The following SLC12A7 variants were observed in gnomAD, a reference collection of about 807,000 sequenced individuals.
SLC12A7 encodes solute carrier family 12 member 7, also known as K-Cl cotransporter 4.
SLC12A7 carries 100 observed loss-of-function variants against 120.6 expected under a neutral mutation model. The observed-to-expected ratio is 0.83, with a 90% CI of 0.71 to 0.98. The LOEUF is 0.98. SLC12A7 is among the 50% of genes least tolerant of loss of function. The pLI is 0.00. For synonymous variants in SLC12A7, 760 were observed against 678.0 expected, an observed-to-expected ratio of 1.12 and a Z score of -1.88; for missense variants, 1,373 against 1,548.1, an observed-to-expected ratio of 0.89 and a Z score of 1.90.
At chr5:1,148,720 G>A in the SLC12A7 span, among the ~76,000 whole-genome samples, 4 of 152,234 alleles carry the variant, frequency 2.6e-5, no homozygotes, top group Admixed American at 2.6e-4. Flanking sequence ...AAGAAAGGCT[G>A]ACGGTTGACA....
the SLC12A7 span, among the ~76,000 whole-genome samples, chr5:1,136,389 T>C: frequency 0.2 from 21,762 of 108,780 alleles, 1,935 homozygotes; most frequent in African/African-American, 0.39. Flanking sequence ...CAGACACACG[T>C]GTGCTCAGAC....
chr5:1,064,791 AGCGAGGAGACG>A (rs2150802148), intron 18 of SLC12A7, among the ~76,000 whole-genome samples: 1 of 126,656 alleles, frequency 7.9e-6, no homozygotes. Flanking sequence ...GTGAGGGGAC[AGCGAGGAGACG>A]GCGAGGGGAC....
chr5:1,067,892 C>CTGTGT lies in SLC12A7; in HGVS notation c.2242-2415_2242-2414insACACA, dbSNP rs56690751. On this transcript the variant is annotated intron_variant, in intron 17 of 23. Coordinates refer to ENST00000264930, the MANE Select transcript of SLC12A7 (RefSeq NM_006598.3). Reference sequence around the variant, plus strand: ...GGGACCCTGTTATCACAAGTCAGCACCGTGTCGGGGACCCTGTTATCACAA... The same window carrying CTGTGT: ...GGGACCCTGTTATCACAAGTCAGCACTGTGTCGTGTCGGGGACCCTGTTATCACAA... Among the ~76,000 whole-genome samples, 812 of 152,140 alleles carry CTGTGT rather than the reference C, an allele frequency of 5.3e-3. 26 individuals are homozygous for CTGTGT. Among genetic ancestry groups the CTGTGT allele is most frequent in the African/African-American group, 0.018 (756 of 41,388 alleles).
the SLC12A7 span, among the ~76,000 whole-genome samples, chr5:1,139,255 G>A: frequency 1.3e-5 from 2 of 152,254 alleles, no homozygotes; most frequent in African/African-American, 2.4e-5. Flanking sequence ...GGATCCTGGC[G>A]GGGGACCCTC....
chr5:1,102,134 C>T (rs190440398), intron 1 of SLC12A7, among the ~76,000 whole-genome samples: 11 of 152,222 alleles, frequency 7.2e-5, no homozygotes, highest in East Asian at 1.9e-4. Flanking sequence ...GTCCCCACCC[C>T]GAGAGGGAAG....
chr5:1,112,131 C>T (rs1743072607), upstream of SLC12A7: 8 of 996,024 alleles, frequency 8.0e-6, no homozygotes, highest in Non-Finnish European at 1.0e-5. Context: ...CACCTGCTTG[C>T]CCCGCGGCCC....
intron 7 of SLC12A7, among the ~76,000 whole-genome samples, chr5:1,084,169 C>T (rs891358776): frequency 2.6e-5 from 4 of 151,964 alleles, no homozygotes; most frequent in Admixed American, 6.6e-5. Flanking sequence ...CACTGGGGAC[C>T]GGGGACTGGG....
chr5:1,091,904 G>A (rs1740563023), intron 3 of SLC12A7, among the ~76,000 whole-genome samples: 1 of 151,936 alleles, frequency 6.6e-6, no homozygotes, highest in South Asian at 2.1e-4. Context: ...CCACCCCAAG[G>A]GCTGGCCGAG....
chr5:1,120,389 A>T, the SLC12A7 span, among the ~76,000 whole-genome samples: 6 of 152,240 alleles, frequency 3.9e-5, no homozygotes, highest in African/African-American at 1.4e-4. Flanking sequence ...ACAAGAGGGC[A>T]AAGACTTGAA....
chr5:1,057,468 C>CAA lies in SLC12A7; in HGVS notation c.3026+2_3026+3insTT. On this transcript the variant is annotated splice_region_variant and intron_variant, in intron 22 of 23. Coordinates refer to ENST00000264930, the MANE Select transcript of SLC12A7 (RefSeq NM_006598.3). The stretch of plus-strand genomic sequence containing the variant: ...CCCCCAGGCCACACGCACGGACACT[C>CAA]ACGGCTTCATGCTGAAGAGGTCTTT... The CAA allele has an allele frequency of 6.2e-7, 1 of 1,608,318 alleles. No individual in the cohort carries two copies. The highest frequency in any genetic ancestry group is 1.1e-5 in the South Asian group (1 of 90,518).
At chr5:1,128,080 G>A in the SLC12A7 span, among the ~76,000 whole-genome samples, 3 of 152,284 alleles carry the variant, frequency 2.0e-5, no homozygotes, top group Non-Finnish European at 2.9e-5. Context: ...AGCTTCTCAC[G>A]CCATGCACTG....
the SLC12A7 span, among the ~76,000 whole-genome samples, chr5:1,152,684 G>A: frequency 3.4e-5 from 5 of 148,168 alleles, no homozygotes; most frequent in East Asian, 2.0e-4. Flanking sequence ...GACGCCCCCC[G>A]GACCATGCAC....
intron 15 of SLC12A7, 110 bp from the exon 16 acceptor site, chr5:1,074,781 G>C: frequency 9.9e-7 from 1 of 1,006,930 alleles, no homozygotes; most frequent in East Asian, 2.6e-5. Context: ...AGGACCCCCA[G>C]GAAAAGTCCC....
chr5:1,073,569 G>T, intron 17 of SLC12A7, 64 bp downstream of exon 17: 4 of 1,495,938 alleles, frequency 2.7e-6, no homozygotes, highest in East Asian at 4.8e-5. Flanking sequence ...GGACATGCCA[G>T]GGCACGTTTC....
intron 3 of SLC12A7, among the ~76,000 whole-genome samples, chr5:1,089,784 A>G (rs1345406554): frequency 6.6e-6 from 1 of 152,116 alleles, no homozygotes; most frequent in Non-Finnish European, 1.5e-5. Context: ...GAAAACCCAC[A>G]TGGGCAAGGG....
chr5:1,050,625 A>G lies in SLC12A7; in HGVS notation c.*1735T>C, dbSNP rs1180626261. 1 of 376,674 alleles carries G rather than the reference A, an allele frequency of 2.7e-6. No individual in the cohort carries two copies. The highest frequency in any genetic ancestry group is 4.7e-6 in the Non-Finnish European group (1 of 212,778). 23.3% of individuals were successfully genotyped at this position (376,674 alleles called of 1,614,324 possible). A position where few individuals can be genotyped will look rare whatever the true frequency, so the allele number is the denominator to read the frequency against. ...GAAGCAGGGCTGTTTTCCAGCCACC[A>G]ACCAACGTTCAGAGCCAGCACCATG... On this transcript the variant is annotated 3_prime_UTR_variant, in exon 24 of 24. Coordinates refer to ENST00000264930, the MANE Select transcript of SLC12A7 (RefSeq NM_006598.3).
the SLC12A7 span, among the ~76,000 whole-genome samples, chr5:1,117,932 C>A: frequency 6.6e-6 from 1 of 152,118 alleles, no homozygotes; most frequent in Admixed American, 6.5e-5. This position sits in a 1 kb window ranked among gnomAD's most constrained non-coding sequence, Gnocchi z 4.5. Context: ...AAACATTAGC[C>A]GGTCATGGTG....
chr5:1,096,767 A>T (rs1477334217), intron 1 of SLC12A7, among the ~76,000 whole-genome samples: 1 of 6,972 alleles, frequency 1.4e-4, no homozygotes, highest in Admixed American at 1.9e-3. Flanking sequence ...GAGGAAGGAA[A>T]GGAGGGAGGG....
At chr5:1,081,343 C>G (rs921678561) in intron 9 of SLC12A7, among the ~76,000 whole-genome samples, 1 of 151,920 alleles carries the variant, frequency 6.6e-6, no homozygotes, top group Non-Finnish European at 1.5e-5. Context: ...CCTGGGGTCC[C>G]GGCTGCCCCC....
Sources: allele counts gnomAD v4.1 joint callset (sites outside exome capture counted in the v4.1 genomes callset), GRCh38; gene constraint gnomAD v4.1.1; non-coding constraint Gnocchi (gnomAD v3.1); transcripts MANE v1.5; gene names NCBI Gene and HGNC (gene_info 2026-07-23, HGNC 2026-07-21).